NXPH2: variants seen among roughly 807,000 people sequenced by gnomAD.
The protein encoded by NXPH2 is neurexophilin-2.
A neutral mutation model predicts 19.8 loss-of-function variants in NXPH2; 5 were observed. The ratio of observed to expected loss-of-function variants is 0.25; its 90% CI spans 0.13 to 0.53. The LOEUF (loss-of-function observed/expected upper bound fraction) is 0.53. Ranked by LOEUF, NXPH2 falls within the 20% of genes least tolerant of loss-of-function variation. The pLI, the probability that NXPH2 is intolerant of heterozygous loss-of-function variation, is 0.96. For missense variants in NXPH2, 289 were observed against 322.8 expected (o/e 0.90, Z 0.80); for synonymous variants, 154 against 127.4 (o/e 1.21, Z -1.41).
chr2:138,758,086 A>C (rs533930976), intron 1 of NXPH2, among the ~76,000 whole-genome samples: 1 of 152,282 alleles, frequency 6.6e-6, no homozygotes, highest in African/African-American at 2.4e-5. Flanking sequence ...TTTTTAGAGA[A>C]ATTTCTATCA....
intron 1 of NXPH2, among the ~76,000 whole-genome samples, chr2:138,749,343 A>G (rs1157196669): frequency 6.6e-6 from 1 of 152,160 alleles, no homozygotes; most frequent in Non-Finnish European, 1.5e-5. Context: ...CTTGGGCAGT[A>G]TCTTTATGGC....
At chr2:138,762,770 C>G (rs1682036105) in intron 1 of NXPH2, among the ~76,000 whole-genome samples, 2 of 152,154 alleles carry the variant, frequency 1.3e-5, no homozygotes, top group African/African-American at 4.8e-5. Flanking sequence ...TAAACCAGAA[C>G]AGTATGCAGA....
chr2:138,674,573 T>C (rs1680459010), intron 1 of NXPH2, among the ~76,000 whole-genome samples: 1 of 152,170 alleles, frequency 6.6e-6, no homozygotes, highest in South Asian at 2.1e-4. Context: ...GAGCGAACCA[T>C]CATGTCCAGT....
At chr2:138,725,892 C>T (rs147880545) in intron 1 of NXPH2, among the ~76,000 whole-genome samples, 157 of 152,202 alleles carry the variant, frequency 1.0e-3, no homozygotes, top group African/African-American at 3.8e-3. Flanking sequence ...ACATTATCTC[C>T]ATTTATATTC....
intron 1 of NXPH2, among the ~76,000 whole-genome samples, chr2:138,687,551 G>T (rs768071740): frequency 2.8e-3 from 421 of 152,182 alleles, no homozygotes; most frequent in Middle Eastern, 6.8e-3. Context: ...GCTGTTTAGT[G>T]TAATTAGATC....
At chr2:138,677,682 G>A (rs1185374010) in intron 1 of NXPH2, among the ~76,000 whole-genome samples, 3 of 152,264 alleles carry the variant, frequency 2.0e-5, no homozygotes, top group South Asian at 4.1e-4. Flanking sequence ...AAGCTGCAAT[G>A]AATTTTATAG....
At chr2:138,769,681 C>T (rs1025196834) in intron 1 of NXPH2, among the ~76,000 whole-genome samples, 15 of 152,150 alleles carry the variant, frequency 9.9e-5, no homozygotes, top group African/African-American at 2.2e-4. Context: ...AGGATTTAGG[C>T]GTGAAACTGG....
At chr2:138,709,162 T>C (rs1681060265) in intron 1 of NXPH2, among the ~76,000 whole-genome samples, 1 of 152,082 alleles carries the variant, frequency 6.6e-6, no homozygotes, top group African/African-American at 2.4e-5. Flanking sequence ...TGGGGGATGC[T>C]GGGGTGCTGG....
At chr2:138,739,966 G>T (rs1243796736) in intron 1 of NXPH2, among the ~76,000 whole-genome samples, 1 of 152,156 alleles carries the variant, frequency 6.6e-6, no homozygotes, top group Admixed American at 6.5e-5. Context: ...ACTTTGAATT[G>T]TTCCCATAAT....
At position 138,671,370 on chromosome 2, in the gene NXPH2, T is replaced by C; in HGVS notation, c.347A>G (p.Asp116Gly). Residue 116 changes from aspartate (D) to glycine (G), a missense_variant, in exon 2 of 2, where the codon GAC (aspartate) becomes GGC (glycine). Transcript: ENST00000272641. The part of the protein sequence containing the change: ...GKFKKMFGWG[D>G]FHSNIKTVKL... ...GACAGTTTTAATGTTGGAATGAAAG[T>C]CACCCCATCCAAACATTTTCTTAAA... 6.2e-7 allele frequency: 1 copy of C among 1,613,938 alleles called. No individual in the cohort carries two copies. The highest frequency in any genetic ancestry group is 8.5e-7 in the Non-Finnish European group (1 of 1,179,844).
chr2:138,720,147 GA>G (rs1302251615), intron 1 of NXPH2, among the ~76,000 whole-genome samples: 6 of 147,656 alleles, frequency 4.1e-5, no homozygotes, highest in South Asian at 2.2e-4. Flanking sequence ...AAAAAAACTT[GA>G]AAAAAAAACA....
At chr2:138,764,081 C>T (rs1427804263) in intron 1 of NXPH2, among the ~76,000 whole-genome samples, 1 of 152,104 alleles carries the variant, frequency 6.6e-6, no homozygotes, top group Non-Finnish European at 1.5e-5. Context: ...GAGATAAATG[C>T]TACAGAGGAG....
Position 138,737,697 on chromosome 2 carries a change from T to C in NXPH2, c.51+42494A>G, listed in dbSNP as rs548792006. 3.3e-5 allele frequency among the ~76,000 whole-genome samples: 5 copies of C among 152,292 alleles called. 1 individual carries two copies. Among genetic ancestry groups the C allele is most frequent in the Admixed American group, 3.3e-4 (5 of 15,300 alleles). On this transcript the variant is annotated intron_variant, in intron 1 of 1. Transcript: ENST00000272641. ...AGCAGCATCTTTGGATTATCCAGAG[T>C]TGGATGCTCCCTCCAGCTCTTGAAA...
intron 1 of NXPH2, among the ~76,000 whole-genome samples, chr2:138,776,184 A>G (rs1682259687): frequency 6.6e-6 from 1 of 152,062 alleles, no homozygotes; most frequent in African/African-American, 2.4e-5. Flanking sequence ...AACATTTCTT[A>G]ATACATTTGA....
chr2:138,707,647 G>A (rs542093403), intron 1 of NXPH2, among the ~76,000 whole-genome samples: 12 of 152,170 alleles, frequency 7.9e-5, no homozygotes, highest in African/African-American at 2.6e-4. Flanking sequence ...TGCACATTTG[G>A]AAAGCTTTTG....
At chr2:138,684,168 A>T (rs1315688596) in intron 1 of NXPH2, among the ~76,000 whole-genome samples, 1 of 152,198 alleles carries the variant, frequency 6.6e-6, no homozygotes, top group East Asian at 1.9e-4. Context: ...GGCAGGAAAT[A>T]GCCTTAGAGA....
intron 1 of NXPH2, among the ~76,000 whole-genome samples, chr2:138,724,333 G>A (rs534636262): frequency 2.6e-5 from 4 of 152,336 alleles, no homozygotes; most frequent in African/African-American, 9.6e-5. Context: ...CATTTAGCAT[G>A]ACTCTGTTTT....
At chr2:138,779,993 G>T (rs778369364) in intron 1 of NXPH2, among the ~76,000 whole-genome samples, 198 bp downstream of exon 1, 3 of 152,096 alleles carry the variant, frequency 2.0e-5, no homozygotes, top group Non-Finnish European at 4.4e-5. Context: ...CCCCTGAGTC[G>T]CCTGTAGATC....
chr2:138,743,098 A>C (rs921802126), intron 1 of NXPH2, among the ~76,000 whole-genome samples: 1 of 152,250 alleles, frequency 6.6e-6, no homozygotes, highest in East Asian at 1.9e-4. Context: ...AGCAATCACA[A>C]ATGTATTTCA....
Sources: allele counts gnomAD v4.1 joint callset (sites outside exome capture counted in the v4.1 genomes callset), GRCh38; gene constraint gnomAD v4.1.1; transcripts MANE v1.5; gene names NCBI Gene and HGNC (gene_info 2026-07-23, HGNC 2026-07-21).